Variants in LSAMP observed in about 807,000 individuals in gnomAD.
LSAMP encodes the protein limbic system associated membrane protein, also known as limbic system-associated membrane protein.
In LSAMP, 7 loss-of-function variants were observed where a neutral mutation model predicts 38.6. The ratio of observed to expected loss-of-function variants is 0.18; its 90% CI spans 0.10 to 0.34. LSAMP has a LOEUF of 0.34. LSAMP is among the 10% of genes least tolerant of loss of function. The pLI is 1.00. For missense variants in LSAMP, 313 were observed against 420.0 expected (o/e 0.75, Z 2.23); for synonymous variants, 154 against 166.8 (o/e 0.92, Z 0.59).
At chr3:115,878,282 C>G (rs1384241181) in intron 3 of LSAMP, among the ~76,000 whole-genome samples, 2 of 151,810 alleles carry the variant, frequency 1.3e-5, no homozygotes, top group Admixed American at 6.6e-5. Context: ...CACTTTGTAC[C>G]AAGCCTACTA....
chr3:115,978,059 A>G (rs1010190226), intron 3 of LSAMP, among the ~76,000 whole-genome samples: 1 of 151,750 alleles, frequency 6.6e-6, no homozygotes, highest in South Asian at 2.1e-4. Context: ...CCCCTGCTGG[A>G]GTACAGTGGT....
At chr3:116,312,320 C>T (rs552905407) in intron 1 of LSAMP, among the ~76,000 whole-genome samples, 41 of 152,232 alleles carry the variant, frequency 2.7e-4, no homozygotes, top group African/African-American at 9.6e-4. Context: ...GGCTCAGCAA[C>T]CCTGCCCATC....
At chr3:116,409,375 C>G (rs1198942181) in intron 1 of LSAMP, among the ~76,000 whole-genome samples, 1 of 152,000 alleles carries the variant, frequency 6.6e-6, no homozygotes, top group Non-Finnish European at 1.5e-5. Flanking sequence ...ATCAGTACTG[C>G]CAAGCTGCTT....
At chr3:116,135,836 A>C (rs1709235657) in intron 1 of LSAMP, among the ~76,000 whole-genome samples, 1 of 152,178 alleles carries the variant, frequency 6.6e-6, no homozygotes, top group Non-Finnish European at 1.5e-5. Flanking sequence ...ATAATTTCTC[A>C]TCCTTCCTTG....
chr3:116,220,350 GACACACACACACAC>G (rs10575234), intron 1 of LSAMP, among the ~76,000 whole-genome samples: 42 of 138,590 alleles, frequency 3.0e-4, no homozygotes, highest in African/African-American at 9.2e-4. Flanking sequence ...ATTTGCATAT[GACACACACACACAC>G]ACACACACAC....
chr3:116,282,716 A>C (rs2047142188), intron 1 of LSAMP, among the ~76,000 whole-genome samples: 1 of 152,074 alleles, frequency 6.6e-6, no homozygotes, highest in African/African-American at 2.4e-5. Flanking sequence ...TTTTTATCAA[A>C]TAGAAGGTTT....
intron 1 of LSAMP, among the ~76,000 whole-genome samples, chr3:116,296,782 T>C (rs1397013485): frequency 6.7e-6 from 1 of 149,368 alleles, no homozygotes; most frequent in South Asian, 2.1e-4. Flanking sequence ...ATACCCAGAA[T>C]TGTGGGAAAT....
chr3:116,390,920 G>T (rs930691531), intron 1 of LSAMP, among the ~76,000 whole-genome samples: 13 of 151,948 alleles, frequency 8.6e-5, no homozygotes, highest in Non-Finnish European at 1.9e-4. Context: ...CTTCCAGCGG[G>T]GTTCACTCAG....
intron 1 of LSAMP, among the ~76,000 whole-genome samples, chr3:116,187,730 T>C (rs1355018438): frequency 1.3e-5 from 2 of 152,170 alleles, no homozygotes; most frequent in East Asian, 3.8e-4. Context: ...ATACCAAAGG[T>C]ATATCACATT....
intron 2 of LSAMP, among the ~76,000 whole-genome samples, chr3:116,024,792 A>G (rs1046772986): frequency 9.9e-5 from 15 of 150,922 alleles, no homozygotes; most frequent in Non-Finnish European, 1.8e-4. Flanking sequence ...AAAATGTATT[A>G]TTATTATTAT....
At chr3:116,357,668 G>C (rs546592887) in intron 1 of LSAMP, among the ~76,000 whole-genome samples, 1 of 152,236 alleles carries the variant, frequency 6.6e-6, no homozygotes, top group Non-Finnish European at 1.5e-5. Context: ...AAATTGAAAA[G>C]TTTATTTTGA....
In LSAMP at chr3:116,276,204, T is replaced by A. The variant is rs115888416; in HGVS notation, c.155+168673A>T. Among the ~76,000 whole-genome samples the A allele has an allele frequency of 3.6e-3, 551 of 151,688 alleles. 3 individuals are homozygous for A. The highest frequency in any genetic ancestry group is 0.012 in the African/African-American group (497 of 40,980). ...GAGAATGACCTTTAAGTAGTAAATATCTGGATTGGAAATAAAACAAATGAA... is the reference window on the plus strand; with the variant it reads ...GAGAATGACCTTTAAGTAGTAAATAACTGGATTGGAAATAAAACAAATGAA... On this transcript the variant is annotated intron_variant, in intron 1 of 6. Coordinates refer to ENST00000490035, the MANE Select transcript of LSAMP (RefSeq NM_002338.5).
intron 3 of LSAMP, among the ~76,000 whole-genome samples, chr3:115,971,376 A>G (rs901236158): frequency 6.6e-6 from 1 of 152,204 alleles, no homozygotes; most frequent in Non-Finnish European, 1.5e-5. Context: ...ACTTCATGAT[A>G]AAGCTTTTAA....
At chr3:115,899,191 G>A (rs927115217) in intron 3 of LSAMP, among the ~76,000 whole-genome samples, 10 of 152,034 alleles carry the variant, frequency 6.6e-5, no homozygotes, top group African/African-American at 1.7e-4. Flanking sequence ...TAGCTAGCTC[G>A]GCTTCCTTTC....
chr3:116,101,672 A>G (rs898097511), intron 1 of LSAMP, among the ~76,000 whole-genome samples: 46 of 152,184 alleles, frequency 3.0e-4, no homozygotes. Context: ...GTAGTTTTGT[A>G]TTCTTTAACA....
chr3:116,089,574 G>T (rs1242429015), intron 1 of LSAMP, among the ~76,000 whole-genome samples: 3 of 152,086 alleles, frequency 2.0e-5, no homozygotes, highest in African/African-American at 7.2e-5. Context: ...AGCCAGGATG[G>T]TCTCAATCTC....
intron 1 of LSAMP, among the ~76,000 whole-genome samples, chr3:116,206,911 C>T (rs2046077566): frequency 6.7e-6 from 1 of 150,260 alleles, no homozygotes; most frequent in South Asian, 2.1e-4. Context: ...CTGTAGATGT[C>T]TATTAGGTCT....
At chr3:116,147,299 T>C (rs764902201) in intron 1 of LSAMP, among the ~76,000 whole-genome samples, 19 of 151,886 alleles carry the variant, frequency 1.3e-4, no homozygotes, top group Admixed American at 3.9e-4. Context: ...ATACAATCCA[T>C]TGACAGAAAC....
intron 3 of LSAMP, among the ~76,000 whole-genome samples, chr3:115,873,152 C>A (rs1936091468): frequency 6.6e-6 from 1 of 151,936 alleles, no homozygotes; most frequent in Non-Finnish European, 1.5e-5. Context: ...GGATGATCAT[C>A]TGAGGTCAGG....
Sources: allele counts gnomAD v4.1 joint callset (sites outside exome capture counted in the v4.1 genomes callset), GRCh38; gene constraint gnomAD v4.1.1; transcripts MANE v1.5; gene names NCBI Gene and HGNC (gene_info 2026-07-23, HGNC 2026-07-21).